Variants in FBN3 observed in about 807,000 individuals in gnomAD.
FBN3 encodes fibrillin 3, also known as fibrillin-3.
In FBN3, 234 loss-of-function variants were observed where a neutral mutation model predicts 330.1. The observed-to-expected ratio is 0.71, with a 90% CI of 0.64 to 0.79. The LOEUF (loss-of-function observed/expected upper bound fraction) is 0.79. FBN3 is among the 30% of genes least tolerant of loss of function. The pLI, the probability that FBN3 is intolerant of heterozygous loss-of-function variation, is 0.00. For missense variants in FBN3, 3,606 were observed against 3,886.9 expected (o/e 0.93, Z 1.92); for synonymous variants, 1,458 against 1,517.3 (o/e 0.96, Z 0.91).
chr19:8,118,873 T>G, intron 26 of FBN3, 24 bp downstream of exon 26: 2 of 1,597,914 alleles, frequency 1.3e-6, no homozygotes, highest in South Asian at 2.2e-5. Context: ...ACACTCACAC[T>G]TGCACACCCA....
intron 3 of FBN3, 27 bp from the exon 4 acceptor site, chr19:8,146,252 A>G: frequency 6.4e-7 from 1 of 1,564,058 alleles, no homozygotes; most frequent in East Asian, 2.3e-5. Context: ...GGTGGCAGTC[A>G]AGACCAGGAC....
rs772561196 is a variant in FBN3, at chr19:8,109,383, G to A, written c.4462C>T (p.Arg1488Trp). 19 of 1,614,174 alleles carry A rather than the reference G, an allele frequency of 1.2e-5. No homozygotes were observed. The highest frequency in any genetic ancestry group is 9.3e-5 in the African/African-American group (7 of 75,042). The stretch of plus-strand genomic sequence containing the variant: ...GTCTCCAGGAAACAGTTCCCGGCCC[G>A]AGTGTCTGAACAGGCAGAAGGGGAT... ...NPSGVGCVDT[R>W]AGNCFLETHD... The change falls in exon 36 of 64, where the codon CGG becomes TGG. Residue 1488 changes from arginine to tryptophan, a missense_variant. Transcript: ENST00000600128. The surrounding 1 kb of genome is among the most constrained non-coding windows in gnomAD (Gnocchi z 5.2).
At chr19:8,111,622 C>A in intron 32 of FBN3, 26 bp downstream of exon 32, 1 of 1,492,006 alleles carries the variant, frequency 6.7e-7, no homozygotes, top group South Asian at 1.2e-5. Flanking sequence ...TCTAGGGCCC[C>A]TGCCCTCCCA....
At chr19:8,132,780 C>T (rs985451377) in intron 14 of FBN3, among the ~76,000 whole-genome samples, 12 of 152,314 alleles carry the variant, frequency 7.9e-5, no homozygotes, top group African/African-American at 9.6e-5. Flanking sequence ...GCGTGAGCCA[C>T]GGCACCTGCC....
intron 3 of FBN3, 104 bp from the exon 4 acceptor site, chr19:8,146,329 G>A (rs964915364): frequency 1.6e-5 from 14 of 893,814 alleles, no homozygotes; most frequent in Non-Finnish European, 2.5e-5. Flanking sequence ...GACGCTGCTG[G>A]TCATCTGCAT....
Position 8,066,142 on chromosome 19 carries a change from C to T in FBN3, c.8207G>A (p.Arg2736Gln), listed in dbSNP as rs148868478. ...TCCGCGGACGATGACGTAGCGGATC[C>T]GGCCCTCTAGACCCTCCAGGGCCGG... ...LRPALEGLEG[R>Q]IRYVIVRGNE... is the part of the protein sequence containing the mutation. The change falls in exon 64 of 64, where the codon CGG becomes CAG. Residue 2736 changes from arginine to glutamine, a missense_variant. Coordinates refer to ENST00000600128, the MANE Select transcript of FBN3 (RefSeq NM_032447.5). 40 of 1,613,484 alleles carry T rather than the reference C, an allele frequency of 2.5e-5. No homozygotes were observed. The African/African-American group carries it at 4.3e-4, about 17-fold the overall frequency.
intron 10 of FBN3, among the ~76,000 whole-genome samples, 192 bp downstream of exon 10, chr19:8,137,949 A>G (rs989687120): frequency 3.9e-5 from 6 of 152,170 alleles, no homozygotes; most frequent in African/African-American, 1.4e-4. Context: ...TCTGAGGACC[A>G]GATTCTCCAG....
Position 8,114,336 on chromosome 19 carries a change from G to A in FBN3, c.3838+1179C>T, listed in dbSNP as rs550409571. The stretch of plus-strand genomic sequence containing the variant: ...GTGATCTTGGCTCACTGCAACCTCC[G>A]CCTCCTGGATTCAAGTGATGCTCCT... On this transcript the variant is annotated intron_variant, in intron 30 of 63. Transcript: ENST00000600128. Among the ~76,000 whole-genome samples the A allele has an allele frequency of 3.0e-4, 45 of 152,200 alleles. No homozygotes were observed. The South Asian group carries it at 6.6e-3, about 22-fold the overall frequency.
At chr19:8,130,409 G>T (rs964525954) in intron 16 of FBN3, among the ~76,000 whole-genome samples, 4 of 147,836 alleles carry the variant, frequency 2.7e-5, no homozygotes, top group African/African-American at 1.0e-4. Flanking sequence ...TATTTGGGAG[G>T]CTGAGGCAGG....
At chr19:8,079,218 C>T (rs1210861403) in intron 59 of FBN3, among the ~76,000 whole-genome samples, 4 of 152,032 alleles carry the variant, frequency 2.6e-5, no homozygotes, top group Admixed American at 2.6e-4. Flanking sequence ...TACTCCAGCC[C>T]GGGCAACAGA....
intron 57 of FBN3, among the ~76,000 whole-genome samples, chr19:8,081,791 T>A (rs977342685): frequency 1.3e-5 from 2 of 152,128 alleles, no homozygotes; most frequent in African/African-American, 4.8e-5. Flanking sequence ...GACTTGACCC[T>A]CGGGCTAGAG....
At chr19:8,091,351 C>T in intron 48 of FBN3, 114 bp downstream of exon 48, 1 of 1,375,726 alleles carries the variant, frequency 7.3e-7, no homozygotes. Context: ...GACACCTCTG[C>T]CTGGTCAGAG....
Position 8,131,454 on chromosome 19 carries a change from GC to G in FBN3, c.1990+99del. The G allele has an allele frequency of 6.7e-7, 1 of 1,495,732 alleles. No homozygotes were observed. The highest frequency in any genetic ancestry group is 9.1e-7 in the Non-Finnish European group (1 of 1,098,348). 92.7% of individuals were successfully genotyped at this position (1,495,732 alleles called of 1,614,324 possible). On this transcript the variant is annotated intron_variant, in intron 15 of 63. Transcript: ENST00000600128. The surrounding 1 kb of genome is among the most constrained non-coding windows in gnomAD (Gnocchi z 4.5). ...TCCCTTCAGCCTCTTTTTGGGAAGA[GC>G]CCCCACTCCATGGCAGCCATGACCC...
In FBN3 at chr19:8,133,069, G is replaced by A. The variant is rs779754358; in HGVS notation, c.1629C>T (p.Asn543=). The change falls in exon 14 of 64, where the codon AAC becomes AAT. Residue 543 remains asparagine, a synonymous_variant. Transcript: ENST00000600128. ...TGCCATCCTCGTTGAGACACACGCCGTTGACGCACATGGTGCTGGTGGCAC... is the reference window on the plus strand; with the variant it reads ...TGCCATCCTCGTTGAGACACACGCCATTGACGCACATGGTGCTGGTGGCAC... ...NECATSTMCV[N]GVCLNEDGSF... is the part of the protein sequence containing the mutation. 38 of 1,585,500 alleles carry A rather than the reference G, an allele frequency of 2.4e-5. 1 individual carries two copies. The highest frequency in any genetic ancestry group is 1.7e-4 in the Middle Eastern group (1 of 6,056).
At chr19:8,135,936 G>GGGGGGGGGGGGGCCCCCCCCCCCCC in intron 13 of FBN3, 25 bp downstream of exon 13, 22 of 668,682 alleles carry the variant, frequency 3.3e-5, no homozygotes, top group Non-Finnish European at 4.6e-5. Context: ...GGAAGCCCCT[G>GGGGGGGGGGGGGCCCCCCCCCCCCC]CCCACCCGCC....
chr19:8,096,519 TGCA>T lies in FBN3; in HGVS notation c.5461_5463del (p.Cys1821del). 6.2e-7 allele frequency: 1 copy of T among 1,613,984 alleles called. No homozygotes were observed. Among genetic ancestry groups the T allele is most frequent in the South Asian group, 1.1e-5 (1 of 91,078 alleles). On this transcript the variant is annotated inframe_deletion, in exon 44 of 64. Transcript: ENST00000600128. This position sits in a 1 kb window ranked among gnomAD's most constrained non-coding sequence, Gnocchi z 4.6. The stretch of plus-strand genomic sequence containing the variant: ...CACATGTAGCTGCCTTCTGTGTCCA[TGCA>T]GTCACCATGGCTACAGACATTCGGG...
intron 40 of FBN3, 134 bp downstream of exon 40, chr19:8,102,590 G>A: frequency 1.2e-6 from 1 of 830,780 alleles, no homozygotes; most frequent in Non-Finnish European, 1.9e-6. Flanking sequence ...GACTAATAGA[G>A]GGACAAAACT....
intron 54 of FBN3, 97 bp downstream of exon 54, chr19:8,086,980 A>G: frequency 7.0e-7 from 1 of 1,436,622 alleles, no homozygotes. Flanking sequence ...TGCTGGGATG[A>G]CAGGTATGAG....
At chr19:8,080,541 C>CAGGAAGCGAGCACTA in intron 59 of FBN3, among the ~76,000 whole-genome samples, 1 of 152,264 alleles carries the variant, frequency 6.6e-6, no homozygotes, top group South Asian at 2.1e-4. Context: ...TAGATGCCTC[C>CAGGAAGCGAGCACTA]AGGAAGCGAG....
Sources: allele counts gnomAD v4.1 joint callset (sites outside exome capture counted in the v4.1 genomes callset), GRCh38; gene constraint gnomAD v4.1.1; non-coding constraint Gnocchi (gnomAD v3.1); transcripts MANE v1.5; gene names NCBI Gene and HGNC (gene_info 2026-07-23, HGNC 2026-07-21).